Variants in KIAA1217 observed in about 807,000 individuals in gnomAD.
KIAA1217 encodes the protein sickle tail protein homolog.
A neutral mutation model predicts 163.9 loss-of-function variants in KIAA1217; 88 were observed. The ratio of observed to expected loss-of-function variants is 0.54; its 90% CI spans 0.45 to 0.64. KIAA1217 has a LOEUF of 0.64. Among genes scored for constraint, KIAA1217 ranks in the 30% least tolerant of loss-of-function variants. KIAA1217 has a pLI of 0.00. For missense variants in KIAA1217, 2,372 were observed against 2,475.0 expected, an observed-to-expected ratio of 0.96 and a Z score of 0.88; for synonymous variants, 903 against 923.1, an observed-to-expected ratio of 0.98 and a Z score of 0.39.
At chr10:24,188,824 G>A (rs566281887) in intron 2 of KIAA1217, among the ~76,000 whole-genome samples, 14 of 152,178 alleles carry the variant, frequency 9.2e-5, no homozygotes, top group Middle Eastern at 3.4e-3. Flanking sequence ...CATATTCCTC[G>A]GCCGGGTGCA....
At chr10:24,489,860 C>CAAAAAAA (rs11393718) in intron 6 of KIAA1217, among the ~76,000 whole-genome samples, 4 of 64,924 alleles carry the variant, frequency 6.2e-5, no homozygotes, top group Admixed American at 2.2e-4. Flanking sequence ...GAGAACCTGT[C>CAAAAAAA]AAAAAAAAAA....
chr10:24,008,331 A>G (rs1847096123), intron 2 of KIAA1217, among the ~76,000 whole-genome samples: 1 of 152,138 alleles, frequency 6.6e-6, no homozygotes, highest in South Asian at 2.1e-4. Context: ...TCAGAGAATC[A>G]TTGTCAGGAA....
intron 1 of KIAA1217, among the ~76,000 whole-genome samples, chr10:24,003,761 A>T (rs1458692155): frequency 6.6e-6 from 1 of 152,178 alleles, no homozygotes; most frequent in African/African-American, 2.4e-5. Context: ...TAATTCTACT[A>T]CTGTAGTAAT....
intron 2 of KIAA1217, among the ~76,000 whole-genome samples, chr10:24,325,051 A>G (rs574236798): frequency 6.6e-6 from 1 of 152,316 alleles, no homozygotes; most frequent in Non-Finnish European, 1.5e-5. Flanking sequence ...CACCTTCTCT[A>G]CTTGAAATAA....
At chr10:24,209,103 C>T (rs2067743413), upstream of KIAA1217, 1 of 1,117,284 alleles carries the variant, frequency 9.0e-7, no homozygotes. Flanking sequence ...CTCCCCAGCC[C>T]CGGGCCCCCT....
Position 24,126,206 on chromosome 10 carries a change from C to T in KIAA1217, c.-170-93420C>T, listed in dbSNP as rs979387551. Among the ~76,000 whole-genome samples the T allele has an allele frequency of 9.2e-5, 14 of 152,194 alleles. No individual in the cohort carries two copies. In the East Asian group the frequency reaches 9.6e-4, roughly 10 times the overall value. ...TGCTCTCTGTTTCTTAACTTTATGC[C>T]TATCCTCTTATACAACTGCATTCTA... On this transcript the variant is annotated intron_variant, in intron 2 of 18. Coordinates refer to the KIAA1217 transcript ENST00000376462.
chr10:24,231,462 G>A (rs2071399419), intron 2 of KIAA1217, among the ~76,000 whole-genome samples: 1 of 152,166 alleles, frequency 6.6e-6, no homozygotes, highest in African/African-American at 2.4e-5. Flanking sequence ...GTCATAGCTG[G>A]AGAATTTACA....
At position 24,501,565 on chromosome 10, in the gene KIAA1217, G is replaced by C. The variant is rs758248088; in HGVS notation, c.2001+20G>C. On this transcript the variant is annotated intron_variant, in intron 9 of 20. Transcript: ENST00000376454. ...CTCCAGGTATTCCTCATGCACGGCG[G>C]CCTCTGTCTCGGTTGCCCTGAGCTC... 1 of 1,603,770 alleles carries C rather than the reference G, an allele frequency of 6.2e-7. No homozygotes were observed.
chr10:23,805,996 C>CAAAAAAAAAAAAAAAAAAA (rs71397917), intron 1 of KIAA1217, among the ~76,000 whole-genome samples: 68 of 30,502 alleles, frequency 2.2e-3, no homozygotes, highest in African/African-American at 4.2e-3. Context: ...AACTCCATCT[C>CAAAAAAAAAAAAAAAAAAA]AAAAAAAAAA....
At chr10:23,776,391 A>G (rs1835010020) in intron 1 of KIAA1217, among the ~76,000 whole-genome samples, 1 of 151,242 alleles carries the variant, frequency 6.6e-6, no homozygotes, top group Admixed American at 6.6e-5. Context: ...GAAGATAATG[A>G]TATCCCTATG....
At chr10:24,501,601 C>T in intron 9 of KIAA1217, 56 bp downstream of exon 9, 1 of 1,539,836 alleles carries the variant, frequency 6.5e-7, no homozygotes, top group South Asian at 1.2e-5. Flanking sequence ...TTCCTACCTT[C>T]CTTTTCCTAG....
At chr10:24,492,385 G>T (rs2133714576) in intron 6 of KIAA1217, among the ~76,000 whole-genome samples, 1 of 152,300 alleles carries the variant, frequency 6.6e-6, no homozygotes, top group Middle Eastern at 3.4e-3. Flanking sequence ...TGGCTGAGAG[G>T]TTTAGCATCG....
At position 23,892,916 on chromosome 10, in the gene KIAA1217, G is replaced by C. The variant is rs139482397; in HGVS notation, c.-320-114309G>C. 3.3e-5 allele frequency among the ~76,000 whole-genome samples: 5 copies of C among 152,016 alleles called. No homozygotes were observed. The South Asian group carries it at 8.3e-4, about 25-fold the overall frequency. On this transcript the variant is annotated intron_variant, in intron 1 of 18. Transcript: ENST00000376462. ...GCTGCCTTATGGTGCGGAAAACAAC[G>C]TGGCATTGACGTCTCTTTGAAAAGC... is the stretch of plus-strand genomic sequence containing the variant.
intron 2 of KIAA1217, among the ~76,000 whole-genome samples, chr10:24,036,310 G>T (rs1160295485): frequency 6.6e-6 from 1 of 152,200 alleles, no homozygotes; most frequent in Non-Finnish European, 1.5e-5. Flanking sequence ...TTCCAGACAG[G>T]TGTGGAGGCA....
chr10:24,367,096 T>C (rs954887023), intron 2 of KIAA1217: 60 of 966,268 alleles, frequency 6.2e-5, no homozygotes, highest in Non-Finnish European at 7.1e-5. Flanking sequence ...CCTATTTTTT[T>C]CTTGTTTTCT....
At chr10:24,421,089 C>A (rs1435987348) in intron 3 of KIAA1217, among the ~76,000 whole-genome samples, 4 of 152,154 alleles carry the variant, frequency 2.6e-5, no homozygotes, top group African/African-American at 7.2e-5. Flanking sequence ...GTTGCCACCT[C>A]ATGCCTCCTG....
At chr10:24,097,012 A>T (rs1027895683) in intron 2 of KIAA1217, among the ~76,000 whole-genome samples, 1 of 152,198 alleles carries the variant, frequency 6.6e-6, no homozygotes, top group Non-Finnish European at 1.5e-5. Context: ...AATACATTGT[A>T]TATAGGTAAC....
intron 1 of KIAA1217, among the ~76,000 whole-genome samples, chr10:23,803,423 G>A (rs556631804): frequency 6.6e-6 from 1 of 152,318 alleles, no homozygotes; most frequent in African/African-American, 2.4e-5. Flanking sequence ...CAGGGTGCCA[G>A]GGCCCAGTCC....
chr10:24,043,380 C>T (rs1848755512), intron 2 of KIAA1217, among the ~76,000 whole-genome samples: 1 of 151,898 alleles, frequency 6.6e-6, no homozygotes, highest in African/African-American at 2.4e-5. Context: ...AATTTTAAAC[C>T]TGACCTCTTC....
Sources: gnomAD v4.1 joint callset for allele counts (sites outside exome capture counted in the v4.1 genomes callset) on GRCh38, gnomAD v4.1.1 for gene constraint, MANE v1.5 for transcripts, NCBI Gene and HGNC (gene_info 2026-07-23, HGNC 2026-07-21) for gene names.